The following VTI1A variants were observed in gnomAD, a reference collection of about 807,000 sequenced individuals.
VTI1A encodes vesicle transport through interaction with t-SNAREs homolog 1A.
VTI1A carries 22 observed loss-of-function variants against 34.9 expected under a neutral mutation model. The ratio of observed to expected loss-of-function variants is 0.63; its 90% confidence interval spans 0.45 to 0.90. The LOEUF is 0.90. Ranked by LOEUF, VTI1A falls within the 40% of genes least tolerant of loss-of-function variation. VTI1A has a pLI of 0.00. For missense variants in VTI1A, 268 were observed against 275.6 expected (o/e 0.97, Z 0.20); for synonymous variants, 87 against 97.3 (o/e 0.89, Z 0.62).
chr10:112,833,630 C>A, the VTI1A span, among the ~76,000 whole-genome samples: 16 of 152,262 alleles, frequency 1.1e-4, no homozygotes, highest in African/African-American at 3.9e-4. Flanking sequence ...ACCTTTGCAG[C>A]TATCCCACTC....
At chr10:112,686,416 T>A (rs1848416961) in intron 7 of VTI1A, among the ~76,000 whole-genome samples, 2 of 152,304 alleles carry the variant, frequency 1.3e-5, no homozygotes, top group Admixed American at 6.5e-5. Context: ...AACTGGAAGC[T>A]GAGTGATTTT....
chr10:112,805,845 T>C (rs1853054613), intron 7 of VTI1A, among the ~76,000 whole-genome samples: 1 of 152,180 alleles, frequency 6.6e-6, no homozygotes. Flanking sequence ...TGCCGACACC[T>C]TGACCTTGGA....
the VTI1A span, chr10:112,831,972 C>T: frequency 7.2e-5 from 11 of 152,166 alleles, no homozygotes; most frequent in African/African-American, 2.4e-4. Context: ...TCAGCAGCCC[C>T]GCGCTCTTGC....
intron 5 of VTI1A, among the ~76,000 whole-genome samples, chr10:112,545,490 T>C (rs1851043856): frequency 6.6e-6 from 1 of 152,254 alleles, no homozygotes; most frequent in Non-Finnish European, 1.5e-5. Context: ...ATGGTATTTC[T>C]TTTTTCTGTC....
intron 5 of VTI1A, among the ~76,000 whole-genome samples, chr10:112,658,939 T>G (rs1847339337): frequency 6.6e-6 from 1 of 152,258 alleles, no homozygotes. Context: ...GCTAGCCACG[T>G]AAGTCCTGTG....
intron 3 of VTI1A, among the ~76,000 whole-genome samples, chr10:112,522,987 T>A (rs1488760669): frequency 2.0e-5 from 3 of 152,098 alleles, no homozygotes; most frequent in African/African-American, 2.4e-5. Flanking sequence ...ATTGTTATGC[T>A]TTTGCTAGTT....
At chr10:112,661,802 C>T (rs1847469126) in intron 5 of VTI1A, among the ~76,000 whole-genome samples, 1 of 127,646 alleles carries the variant, frequency 7.8e-6, no homozygotes, top group South Asian at 2.5e-4. Context: ...AAGTCTAGCT[C>T]TGTCACCCAG....
At chr10:112,796,585 T>C (rs1273014967) in intron 7 of VTI1A, among the ~76,000 whole-genome samples, 4 of 151,706 alleles carry the variant, frequency 2.6e-5, no homozygotes, top group Non-Finnish European at 5.9e-5. Context: ...ATAAAAGAGG[T>C]TCTGGACAAG....
intron 7 of VTI1A, among the ~76,000 whole-genome samples, chr10:112,786,397 CT>C (rs1852288684): frequency 6.6e-6 from 1 of 152,108 alleles, no homozygotes; most frequent in Admixed American, 6.6e-5. Context: ...AACAATTTTC[CT>C]TCTTCCTTTC....
chr10:112,764,342 G>C (rs149243398), intron 7 of VTI1A, among the ~76,000 whole-genome samples: 17 of 152,226 alleles, frequency 1.1e-4, no homozygotes, highest in Non-Finnish European at 2.4e-4. Context: ...GGAGACTTGC[G>C]GTGTGGTTAA....
intron 7 of VTI1A, among the ~76,000 whole-genome samples, chr10:112,717,311 TCTC>T (rs150805482): frequency 0.018 from 2,732 of 152,264 alleles, 85 homozygotes; most frequent in African/African-American, 0.062. Flanking sequence ...CTTTTTCTCT[TCTC>T]CTGGTTATCT....
chr10:112,741,698 A>C (rs945887307), intron 7 of VTI1A, among the ~76,000 whole-genome samples: 2 of 152,358 alleles, frequency 1.3e-5, no homozygotes, highest in South Asian at 2.1e-4. Flanking sequence ...TAAAAATTAT[A>C]CTTAAAATTA....
Position 112,701,582 on chromosome 10 carries a change from C to T in VTI1A, c.560+32584C>T, listed in dbSNP as rs149770630. On this transcript the variant is annotated intron_variant, in intron 7 of 7. Coordinates refer to ENST00000393077, the MANE Select transcript of VTI1A (RefSeq NM_145206.4). ...TAGTATTTGCCAAATTTCCAAACCT[C>T]TAAGCACGAAATCCTCAGCCTTCAT... Among the ~76,000 whole-genome samples the T allele has an allele frequency of 4.1e-3, 627 of 152,318 alleles. 5 individuals carry two copies. Among genetic ancestry groups the T allele is most frequent in the African/African-American group, 0.014 (584 of 41,580 alleles).
intron 5 of VTI1A, among the ~76,000 whole-genome samples, chr10:112,591,988 G>A (rs1191939651): frequency 6.6e-6 from 1 of 152,150 alleles, no homozygotes; most frequent in Non-Finnish European, 1.5e-5. Context: ...ACGTGAGAAG[G>A]ACCAAATATG....
chr10:112,751,932 G>T (rs552889860), intron 7 of VTI1A, among the ~76,000 whole-genome samples: 1 of 152,308 alleles, frequency 6.6e-6, no homozygotes, highest in South Asian at 2.1e-4. Flanking sequence ...GTAGGCAGAG[G>T]TTGCACGGCA....
At chr10:112,635,797 A>T (rs1846331700) in intron 5 of VTI1A, among the ~76,000 whole-genome samples, 1 of 152,226 alleles carries the variant, frequency 6.6e-6, no homozygotes, top group African/African-American at 2.4e-5. Context: ...CAAGAGACCC[A>T]CTTGATTCGC....
At chr10:112,482,350 A>C (rs1483009024) in intron 3 of VTI1A, among the ~76,000 whole-genome samples, 1 of 152,148 alleles carries the variant, frequency 6.6e-6, no homozygotes, top group African/African-American at 2.4e-5. Flanking sequence ...TTGTACCCTC[A>C]GGTGGATTCT....
At chr10:112,669,571 A>G (rs1040650419) in intron 7 of VTI1A, among the ~76,000 whole-genome samples, 1 of 152,170 alleles carries the variant, frequency 6.6e-6, no homozygotes, top group Non-Finnish European at 1.5e-5. Flanking sequence ...GCTAAATAGT[A>G]TGAGAAAATA....
intron 5 of VTI1A, among the ~76,000 whole-genome samples, chr10:112,542,572 C>T (rs1459789257): frequency 6.6e-6 from 1 of 152,126 alleles, no homozygotes; most frequent in Non-Finnish European, 1.5e-5. Context: ...AAGAGGTGCT[C>T]GAGCCTTCAC....
Sources: gnomAD v4.1 joint callset for allele counts (sites outside exome capture counted in the v4.1 genomes callset) on GRCh38, gnomAD v4.1.1 for gene constraint, MANE v1.5 for transcripts, NCBI Gene and HGNC (gene_info 2026-07-23, HGNC 2026-07-21) for gene names.